Variants in VPS13B observed in about 807,000 individuals in gnomAD.
The protein encoded by VPS13B is intermembrane lipid transfer protein VPS13B.
Under a neutral mutation model 426.4 loss-of-function variants are expected in VPS13B, and 285 were observed. That is an observed-to-expected ratio of 0.67 (90% CI 0.61 to 0.74). The LOEUF is 0.74. VPS13B is among the 30% of genes least tolerant of loss of function. The probability of loss-of-function intolerance (pLI) is 0.00; values close to 1 mark genes in which losing one functional copy is unlikely to be tolerated. For missense variants in VPS13B, 4,537 were observed against 4,782.6 expected (o/e 0.95, Z 1.51); for synonymous variants, 1,676 against 1,676.4 (o/e 1.00, Z 0.01).
chr8:99,101,204 T>C (rs968627663), intron 4 of VPS13B, among the ~76,000 whole-genome samples: 2 of 152,148 alleles, frequency 1.3e-5, no homozygotes, highest in Non-Finnish European at 2.9e-5. Flanking sequence ...CGATCCCGGC[T>C]CACTGCAAGC....
At chr8:99,079,962 T>C (rs1160874050) in intron 3 of VPS13B, among the ~76,000 whole-genome samples, 1 of 151,348 alleles carries the variant, frequency 6.6e-6, no homozygotes, top group African/African-American at 2.4e-5. Flanking sequence ...TTAAAAAAAT[T>C]GCCTGTTCAA....
At chr8:99,858,150 TAC>T (rs1005354852) in intron 56 of VPS13B, among the ~76,000 whole-genome samples, 2 of 152,212 alleles carry the variant, frequency 1.3e-5, no homozygotes, top group African/African-American at 4.8e-5. Context: ...GCCTTCCCAT[TAC>T]CGGGCTCTGA....
At chr8:99,273,293 G>A (rs1291982623) in intron 17 of VPS13B, among the ~76,000 whole-genome samples, 2 of 151,196 alleles carry the variant, frequency 1.3e-5, no homozygotes, top group Admixed American at 6.6e-5. Context: ...CGAGCAGCTC[G>A]GACCACAGGC....
At chr8:99,377,755 G>T (rs1042489109) in intron 19 of VPS13B, among the ~76,000 whole-genome samples, 5 of 152,156 alleles carry the variant, frequency 3.3e-5, no homozygotes, top group African/African-American at 1.2e-4. Flanking sequence ...GGCAGGTTCT[G>T]TGATGCCCCC....
intron 17 of VPS13B, among the ~76,000 whole-genome samples, chr8:99,265,728 C>T (rs1379485328): frequency 6.6e-6 from 1 of 152,202 alleles, no homozygotes; most frequent in Non-Finnish European, 1.5e-5. Context: ...TCCCTGCCTT[C>T]AGAGCTTCCT....
chr8:99,190,833 C>T (rs1035523098), intron 16 of VPS13B, among the ~76,000 whole-genome samples: 1 of 148,886 alleles, frequency 6.7e-6, no homozygotes, highest in African/African-American at 2.5e-5. Flanking sequence ...CTTTCTTCTT[C>T]TTTTTTTTTT....
At chr8:99,583,980 T>G (rs1442227303) in intron 33 of VPS13B, among the ~76,000 whole-genome samples, 1 of 152,104 alleles carries the variant, frequency 6.6e-6, no homozygotes, top group African/African-American at 2.4e-5. Context: ...TAGGGTGACC[T>G]CCTATTGGTG....
intron 12 of VPS13B, among the ~76,000 whole-genome samples, chr8:99,140,706 T>C (rs1453152736): frequency 1.6e-5 from 2 of 128,704 alleles, no homozygotes; most frequent in African/African-American, 3.0e-5. Flanking sequence ...TCCTCCTCCT[T>C]CTCCTTCTTT....
chr8:99,666,779 A>G (rs1192597328), intron 35 of VPS13B, among the ~76,000 whole-genome samples: 3 of 152,154 alleles, frequency 2.0e-5, no homozygotes, highest in Non-Finnish European at 4.4e-5. Flanking sequence ...TACCACTCCT[A>G]TTCAACATAG....
chr8:99,474,482 C>T (rs1045034834), intron 24 of VPS13B, among the ~76,000 whole-genome samples: 4 of 151,752 alleles, frequency 2.6e-5, no homozygotes, highest in African/African-American at 7.3e-5. Flanking sequence ...CCACTGCACC[C>T]GGACTAAAAA....
intron 3 of VPS13B, among the ~76,000 whole-genome samples, chr8:99,085,750 T>C (rs980282874): frequency 6.6e-6 from 1 of 152,208 alleles, no homozygotes; most frequent in Non-Finnish European, 1.5e-5. Context: ...TTGAAAATTA[T>C]TTTCTTTAAG....
intron 31 of VPS13B, among the ~76,000 whole-genome samples, chr8:99,570,524 T>C (rs2133796708): frequency 1.3e-5 from 2 of 152,166 alleles, no homozygotes; most frequent in East Asian, 3.9e-4. Flanking sequence ...CTTTGGTTGT[T>C]TTTGAAACCT....
Position 99,467,458 on chromosome 8 carries a change from T to C in VPS13B, c.3490T>C (p.Tyr1164His), listed in dbSNP as rs756723356. 28 of 1,613,786 alleles carry C rather than the reference T, an allele frequency of 1.7e-5. No homozygotes were observed. Among genetic ancestry groups the C allele is most frequent in the Non-Finnish European group, 2.3e-5 (27 of 1,179,756 alleles). Residue 1164 changes from tyrosine (Y) to histidine (H), a missense_variant, in exon 24 of 62, where the codon TAT (tyrosine) becomes CAT (histidine). Transcript: ENST00000357162. The part of the protein sequence containing the change: ...WTISLHNFSI[Y>H]TLLGKQVTLC... ...GATCAGCTTGCATAATTTCAGCATA[T>C]ATACCCTTCTTGGAAAACAAGTGAC... is the stretch of plus-strand genomic sequence containing the variant.
intron 17 of VPS13B, among the ~76,000 whole-genome samples, chr8:99,273,575 A>G (rs1419227490): frequency 6.6e-6 from 1 of 152,090 alleles, no homozygotes; most frequent in Non-Finnish European, 1.5e-5. Context: ...ACCTGAGGTC[A>G]GGAGTTCAAG....
intron 24 of VPS13B, among the ~76,000 whole-genome samples, chr8:99,479,336 T>A (rs148874949): frequency 6.6e-6 from 1 of 152,336 alleles, no homozygotes; most frequent in East Asian, 1.9e-4. Flanking sequence ...AACATAATGT[T>A]ACATATTTAT....
intron 19 of VPS13B, among the ~76,000 whole-genome samples, chr8:99,318,512 A>G (rs536847220): frequency 6.6e-6 from 1 of 152,210 alleles, no homozygotes; most frequent in South Asian, 2.1e-4. Flanking sequence ...AGTAACTTAC[A>G]TGGAATTATT....
At chr8:99,281,415 T>A (rs940745442) in intron 19 of VPS13B, among the ~76,000 whole-genome samples, 6 of 152,224 alleles carry the variant, frequency 3.9e-5, no homozygotes, top group Admixed American at 2.6e-4. Flanking sequence ...TATTCAGAGA[T>A]GTTCTTATAG....
chr8:99,471,162 G>C (rs963642435), intron 24 of VPS13B, among the ~76,000 whole-genome samples: 1 of 152,090 alleles, frequency 6.6e-6, no homozygotes, highest in Non-Finnish European at 1.5e-5. Flanking sequence ...AAATTCTGCA[G>C]GATGAAGGAA....
At chr8:99,100,954 G>T (rs1846701951) in intron 4 of VPS13B, among the ~76,000 whole-genome samples, 1 of 151,812 alleles carries the variant, frequency 6.6e-6, no homozygotes, top group South Asian at 2.1e-4. Flanking sequence ...TGAGGCAGGA[G>T]AATCACTTGA....
Sources: gnomAD v4.1 joint callset for allele counts (sites outside exome capture counted in the v4.1 genomes callset) on GRCh38, gnomAD v4.1.1 for gene constraint, MANE v1.5 for transcripts, NCBI Gene and HGNC (gene_info 2026-07-23, HGNC 2026-07-21) for gene names.